The following DIAPH1 variants were observed in gnomAD, a reference collection of about 807,000 sequenced individuals.
DIAPH1 encodes the protein diaphanous related formin 1.
Under a neutral mutation model 140.7 loss-of-function variants are expected in DIAPH1, and 46 were observed. The observed-to-expected ratio is 0.33, with a 90% CI of 0.26 to 0.42. The LOEUF (loss-of-function observed/expected upper bound fraction) is 0.42. DIAPH1 is among the 10% of genes least tolerant of loss of function. DIAPH1 has a pLI of 1.00. For synonymous variants in DIAPH1, 565 were observed against 551.6 expected, an observed-to-expected ratio of 1.02 and a Z score of -0.34; for missense variants, 1,310 against 1,558.7, an observed-to-expected ratio of 0.84 and a Z score of 2.69.
intron 8 of DIAPH1, among the ~76,000 whole-genome samples, chr5:141,580,038 A>G (rs1434399442): frequency 6.6e-6 from 1 of 152,222 alleles, no homozygotes; most frequent in Non-Finnish European, 1.5e-5. Flanking sequence ...TGTATATGGA[A>G]TACTAAATAG....
chr5:141,573,455 AAG>A (rs1491203746), intron 16 of DIAPH1, 35 bp downstream of exon 16: 5 of 1,595,230 alleles, frequency 3.1e-6, no homozygotes, highest in Middle Eastern at 2.2e-4. Flanking sequence ...AAAAAAAAAA[AAG>A]ATTGACTGGT....
chr5:141,516,706 G>T lies in DIAPH1; in HGVS notation c.*145C>A. 2.3e-6 allele frequency: 2 copies of T among 880,438 alleles called. No homozygotes were observed. The highest frequency in any genetic ancestry group is 1.6e-5 in the African/African-American group (1 of 60,748). 54.5% of individuals were successfully genotyped at this position (880,438 alleles called of 1,614,324 possible). On this transcript the variant is annotated 3_prime_UTR_variant, in exon 28 of 28. Coordinates refer to ENST00000389054, the MANE Select transcript of DIAPH1 (RefSeq NM_005219.5). ...GCTGAAGCTGTATGTGATGTTGAGA[G>T]AGCAGCAGGCCAGAGAGAAAGACAG...
At chr5:141,549,679 C>T (rs889362318) in intron 18 of DIAPH1, among the ~76,000 whole-genome samples, 4 of 151,996 alleles carry the variant, frequency 2.6e-5, no homozygotes, top group African/African-American at 9.7e-5. Context: ...ATTCAAAGTA[C>T]TAAGCTATCA....
chr5:141,582,118 G>T (rs2154596552), intron 7 of DIAPH1, 194 bp downstream of exon 7: 6 of 337,520 alleles, frequency 1.8e-5, no homozygotes, highest in Non-Finnish European at 2.2e-5. Flanking sequence ...CCTGTCCTCT[G>T]AAACAGAAGT....
intron 1 of DIAPH1, among the ~76,000 whole-genome samples, chr5:141,603,590 G>C (rs1327450600): frequency 6.6e-6 from 1 of 152,152 alleles, no homozygotes; most frequent in Non-Finnish European, 1.5e-5. Flanking sequence ...ATAAAGAACA[G>C]TAGTAACTGT....
rs543262145 is a variant in DIAPH1, at chr5:141,533,577, T to C, written c.2581+758A>G. On this transcript the variant is annotated intron_variant, in intron 19 of 27. Transcript: ENST00000389054. ...ATCAGAAAGTGAAAGCTGGGCATGGTAGCTTACATCTGTAATCCCAACATA... is the reference window on the plus strand; with the variant it reads ...ATCAGAAAGTGAAAGCTGGGCATGGCAGCTTACATCTGTAATCCCAACATA... Among the ~76,000 whole-genome samples the C allele has an allele frequency of 3.3e-5, 5 of 152,318 alleles. No individual in the cohort carries two copies. The South Asian group carries it at 1.0e-3, about 32-fold the overall frequency.
At chr5:141,601,319 T>G (rs1377151753) in intron 1 of DIAPH1, among the ~76,000 whole-genome samples, 1 of 151,262 alleles carries the variant, frequency 6.6e-6, no homozygotes, top group Admixed American at 6.6e-5. Context: ...TGAGATGAAG[T>G]ATCACTCTGT....
intron 8 of DIAPH1, among the ~76,000 whole-genome samples, chr5:141,579,781 C>G (rs2099896472): frequency 6.6e-6 from 1 of 152,012 alleles, no homozygotes. Flanking sequence ...AACCCCATCT[C>G]TACTAAAAAT....
At chr5:141,538,437 C>T (rs2099889419) in intron 18 of DIAPH1, among the ~76,000 whole-genome samples, 2 of 152,112 alleles carry the variant, frequency 1.3e-5, no homozygotes, top group African/African-American at 2.4e-5. Flanking sequence ...ACTGCAAACT[C>T]CGCCTCCCAG....
chr5:141,559,599 C>G (rs564284566), intron 18 of DIAPH1, among the ~76,000 whole-genome samples: 37 of 152,246 alleles, frequency 2.4e-4, no homozygotes, highest in African/African-American at 8.9e-4. Flanking sequence ...GGCACTTCAC[C>G]AAGCATTTGG....
intron 18 of DIAPH1, among the ~76,000 whole-genome samples, chr5:141,568,202 A>T (rs2099894664): frequency 6.6e-6 from 1 of 152,178 alleles, no homozygotes; most frequent in African/African-American, 2.4e-5. Context: ...GAAATGGAAA[A>T]TGAAAAACTA....
chr5:141,581,471 C>T (rs1021290214), intron 7 of DIAPH1, among the ~76,000 whole-genome samples: 2 of 152,148 alleles, frequency 1.3e-5, no homozygotes, highest in Non-Finnish European at 2.9e-5. Flanking sequence ...CTAGGAGGCA[C>T]AACAGAATTA....
chr5:141,545,320 A>T (rs1386578023), intron 18 of DIAPH1, among the ~76,000 whole-genome samples: 1 of 152,228 alleles, frequency 6.6e-6, no homozygotes, highest in African/African-American at 2.4e-5. Context: ...TTGTATCTTC[A>T]AGGCCAATAC....
intron 1 of DIAPH1, among the ~76,000 whole-genome samples, chr5:141,616,788 G>T (rs561370758): frequency 7.9e-5 from 12 of 152,120 alleles, no homozygotes; most frequent in African/African-American, 2.7e-4. Context: ...GCAGATTAAG[G>T]GTTAAGACTA....
intron 1 of DIAPH1, among the ~76,000 whole-genome samples, chr5:141,597,305 C>T (rs2099899476): frequency 6.6e-6 from 1 of 152,136 alleles, no homozygotes; most frequent in Admixed American, 6.6e-5. Flanking sequence ...GGAATCAGAG[C>T]AGTTCTGGGT....
At chr5:141,557,369 A>AT (rs959355442) in intron 18 of DIAPH1, among the ~76,000 whole-genome samples, 1 of 152,196 alleles carries the variant, frequency 6.6e-6, no homozygotes, top group Non-Finnish European at 1.5e-5. Context: ...CTAGCTGTTG[A>AT]TTAAGTTTTT....
intron 1 of DIAPH1, among the ~76,000 whole-genome samples, chr5:141,604,670 T>C (rs897069341): frequency 1.3e-5 from 2 of 152,202 alleles, no homozygotes; most frequent in Non-Finnish European, 2.9e-5. Context: ...TTAAATCCCA[T>C]TCCTAAAGTC....
At chr5:141,605,689 G>A (rs773577521) in intron 1 of DIAPH1, among the ~76,000 whole-genome samples, 33 of 152,206 alleles carry the variant, frequency 2.2e-4, no homozygotes, top group Non-Finnish European at 1.0e-4. Context: ...AGGCCTCAGT[G>A]TCCTCCTAAT....
chr5:141,566,489 T>C (rs2099894396), intron 18 of DIAPH1, among the ~76,000 whole-genome samples: 1 of 152,206 alleles, frequency 6.6e-6, no homozygotes, highest in African/African-American at 2.4e-5. Context: ...TTTTTAGGAA[T>C]TGTTTCCTTT....
Sources: gnomAD v4.1 joint callset for allele counts (sites outside exome capture counted in the v4.1 genomes callset) on GRCh38, gnomAD v4.1.1 for gene constraint, MANE v1.5 for transcripts, NCBI Gene and HGNC (gene_info 2026-07-23, HGNC 2026-07-21) for gene names.